The following GRM7 variants were observed in gnomAD, a reference collection of about 807,000 sequenced individuals.
GRM7 encodes the protein glutamate metabotropic receptor 7.
GRM7 carries 35 observed loss-of-function variants against 84.5 expected under a neutral mutation model. The observed-to-expected ratio is 0.41, with a 90% CI of 0.32 to 0.55. GRM7 has a LOEUF of 0.55. Ranked by LOEUF, GRM7 falls within the 20% of genes least tolerant of loss-of-function variation. The probability of loss-of-function intolerance (pLI) is 0.19; values close to 1 mark genes in which losing one functional copy is unlikely to be tolerated. For synonymous variants in GRM7, 487 were observed against 455.1 expected, an observed-to-expected ratio of 1.07 and a Z score of -0.89; for missense variants, 1,003 against 1,194.6, an observed-to-expected ratio of 0.84 and a Z score of 2.36.
intron 4 of GRM7, among the ~76,000 whole-genome samples, chr3:7,395,724 T>C (rs1028777138): frequency 3.9e-5 from 6 of 152,192 alleles, no homozygotes; most frequent in African/African-American, 1.4e-4. Context: ...CTTTCCACCA[T>C]GATTATGAGG....
At chr3:7,572,117 A>G (rs1694692455) in intron 7 of GRM7, among the ~76,000 whole-genome samples, 2 of 152,192 alleles carry the variant, frequency 1.3e-5, no homozygotes, top group South Asian at 4.1e-4. Flanking sequence ...GGGTGGAGAG[A>G]CAATCAGACC....
intron 1 of GRM7, among the ~76,000 whole-genome samples, chr3:6,913,327 A>G (rs1696835557): frequency 1.3e-5 from 2 of 152,100 alleles, no homozygotes; most frequent in Non-Finnish European, 2.9e-5. Flanking sequence ...TTTGCATTTT[A>G]TTTCTTTTGT....
At chr3:7,466,956 T>C (rs1032137287) in intron 7 of GRM7, among the ~76,000 whole-genome samples, 2 of 152,226 alleles carry the variant, frequency 1.3e-5, no homozygotes, top group Non-Finnish European at 2.9e-5. Context: ...ACAGGGTACC[T>C]AGCACACAGC....
chr3:7,382,345 A>G (rs937164695), intron 4 of GRM7, among the ~76,000 whole-genome samples: 2 of 152,070 alleles, frequency 1.3e-5, no homozygotes, highest in Admixed American at 1.3e-4. Context: ...TTTCTATTCC[A>G]TGTCTCTTGT....
intron 2 of GRM7, among the ~76,000 whole-genome samples, chr3:7,225,789 C>G (rs540521800): frequency 3.9e-5 from 6 of 152,036 alleles, no homozygotes; most frequent in African/African-American, 1.4e-4. Flanking sequence ...GTCCCCTAAA[C>G]TATTTCAGGG....
rs371327496 is a variant in GRM7, at chr3:7,231,714, T to G, written c.737-66970T>G. Among the ~76,000 whole-genome samples, 3 of 152,270 alleles carry G rather than the reference T, an allele frequency of 2.0e-5. No individual in the cohort carries two copies. The East Asian group carries it at 5.8e-4, about 29-fold the overall frequency. Reference sequence around the variant, plus strand: ...TGAGATAGATAAGATTGCCCATAAATGTACAGATGAGGAAACCAAGGCATT... The same window carrying G: ...TGAGATAGATAAGATTGCCCATAAAGGTACAGATGAGGAAACCAAGGCATT... On this transcript the variant is annotated intron_variant, in intron 2 of 9. Coordinates refer to ENST00000357716, the MANE Select transcript of GRM7 (RefSeq NM_000844.4).
At chr3:7,045,332 CAAGCAAAGATAGAGTAAGTAAA>C (rs1289242996) in intron 1 of GRM7, among the ~76,000 whole-genome samples, 2 of 152,082 alleles carry the variant, frequency 1.3e-5, no homozygotes, top group African/African-American at 4.8e-5. Context: ...GCCTGGGCAA[CAAGCAAAGATAGAGTAAGTAAA>C]ATTGCAAGGT....
intron 2 of GRM7, among the ~76,000 whole-genome samples, chr3:7,282,932 T>C (rs1243979436): frequency 1.3e-5 from 2 of 152,184 alleles, no homozygotes; most frequent in Non-Finnish European, 2.9e-5. Flanking sequence ...TAACCAACAG[T>C]GGAGCCCTCG....
chr3:7,366,858 A>G (rs1184906331), intron 4 of GRM7, among the ~76,000 whole-genome samples: 3 of 46 alleles, frequency 0.065, no homozygotes, highest in Non-Finnish European at 0.14. Flanking sequence ...TGAAACTTCT[A>G]TTTAATAAGA....
At chr3:7,719,761 A>G (rs1046613422) in intron 9 of GRM7, among the ~76,000 whole-genome samples, 1 of 145,454 alleles carries the variant, frequency 6.9e-6, no homozygotes, top group African/African-American at 2.5e-5. Flanking sequence ...GCAGTGAGCC[A>G]AGATTGCACC....
rs558202612 is a variant in GRM7 at position 7,714,914 on chromosome 3, T to G, written c.2699-25443T>G. Among the ~76,000 whole-genome samples, 278 of 152,310 alleles carry G rather than the reference T, an allele frequency of 1.8e-3. 2 individuals carry two copies. The highest frequency in any genetic ancestry group is 6.3e-3 in the African/African-American group (260 of 41,584). On this transcript the variant is annotated intron_variant, in intron 9 of 9. Coordinates refer to ENST00000357716, the MANE Select transcript of GRM7 (RefSeq NM_000844.4). ...AAATGCTAAATTGATCTTGTTCTCA[T>G]GCCAATGGCAATGAACAGTCACCCA...
At chr3:7,018,092 A>T (rs1442065335) in intron 1 of GRM7, among the ~76,000 whole-genome samples, 2 of 152,266 alleles carry the variant, frequency 1.3e-5, no homozygotes, top group Non-Finnish European at 2.9e-5. Context: ...AAGAAAAAGG[A>T]TACCAAGAAA....
chr3:7,605,112 T>G (rs1696501479), intron 8 of GRM7, among the ~76,000 whole-genome samples: 1 of 152,128 alleles, frequency 6.6e-6, no homozygotes, highest in Admixed American at 6.5e-5. Flanking sequence ...ATCTGAAAAT[T>G]TTGGTATCAT....
chr3:7,643,275 C>T (rs953925726), intron 8 of GRM7, among the ~76,000 whole-genome samples: 5 of 115,360 alleles, frequency 4.3e-5, no homozygotes, highest in African/African-American at 1.1e-4. Flanking sequence ...TTTCTGAGAA[C>T]TGGTTGCAAC....
chr3:6,960,647 T>A (rs1693259650), intron 1 of GRM7, among the ~76,000 whole-genome samples: 1 of 152,188 alleles, frequency 6.6e-6, no homozygotes, highest in Non-Finnish European at 1.5e-5. Context: ...ATGTATTCCC[T>A]GGAACATGCA....
At chr3:7,611,870 T>C (rs1696863656) in intron 8 of GRM7, among the ~76,000 whole-genome samples, 2 of 152,174 alleles carry the variant, frequency 1.3e-5, no homozygotes, top group Admixed American at 1.3e-4. Flanking sequence ...ATTCATAGTA[T>C]GAGAATACAA....
At chr3:7,457,854 A>G (rs951359175) in intron 6 of GRM7, among the ~76,000 whole-genome samples, 8 of 152,190 alleles carry the variant, frequency 5.3e-5, no homozygotes, top group Non-Finnish European at 8.8e-5. Context: ...CGGTTAGCCA[A>G]TATCAACTGT....
At chr3:7,349,739 A>G (rs767569177) in intron 4 of GRM7, among the ~76,000 whole-genome samples, 1 of 152,184 alleles carries the variant, frequency 6.6e-6, no homozygotes, top group Non-Finnish European at 1.5e-5. Context: ...AAACAAGTTT[A>G]TATTTGAGCA....
chr3:7,422,691 G>A (rs1168555974), intron 5 of GRM7, among the ~76,000 whole-genome samples: 2 of 152,056 alleles, frequency 1.3e-5, no homozygotes, highest in African/African-American at 4.8e-5. Flanking sequence ...GCCAAGTACT[G>A]ACCATATAAC....
Sources: gnomAD v4.1 joint callset for allele counts (sites outside exome capture counted in the v4.1 genomes callset) on GRCh38, gnomAD v4.1.1 for gene constraint, MANE v1.5 for transcripts, NCBI Gene and HGNC (gene_info 2026-07-23, HGNC 2026-07-21) for gene names.